The following PAX8 variants were observed in gnomAD, a reference collection of about 807,000 sequenced individuals.
PAX8 encodes paired box protein Pax-8.
Under a neutral mutation model 52.4 loss-of-function variants are expected in PAX8, and 15 were observed. The ratio of observed to expected loss-of-function variants is 0.29; its 90% CI spans 0.19 to 0.44. PAX8 has a LOEUF of 0.44. Among genes scored for constraint, PAX8 ranks in the 20% least tolerant of loss-of-function variants. The probability of loss-of-function intolerance (pLI) is 1.00; values close to 1 mark genes in which losing one functional copy is unlikely to be tolerated. For synonymous variants in PAX8, 284 were observed against 249.7 expected, an observed-to-expected ratio of 1.14 and a Z score of -1.29; for missense variants, 554 against 602.5, an observed-to-expected ratio of 0.92 and a Z score of 0.84.
intron 9 of PAX8, among the ~76,000 whole-genome samples, chr2:113,231,244 G>T (rs547020595): frequency 1.3e-5 from 2 of 152,320 alleles, no homozygotes; most frequent in South Asian, 2.1e-4. Flanking sequence ...TGGACTCTTT[G>T]ATGATAAAAC....
chr2:113,258,399 C>T (rs1692417171), intron 2 of PAX8, among the ~76,000 whole-genome samples: 1 of 152,078 alleles, frequency 6.6e-6, no homozygotes, highest in Non-Finnish European at 1.5e-5. Context: ...CTCCTGATTG[C>T]TGCCTCCCCA....
At chr2:113,267,148 T>C (rs1409129768) in intron 2 of PAX8, 1 of 152,174 alleles carries the variant, frequency 6.6e-6, no homozygotes, top group Non-Finnish European at 1.5e-5. Flanking sequence ...AAGGACAGAA[T>C]GTTAGAGAGA....
intron 2 of PAX8, among the ~76,000 whole-genome samples, chr2:113,264,107 C>T (rs1011690905): frequency 1.3e-5 from 2 of 152,230 alleles, no homozygotes; most frequent in African/African-American, 4.8e-5. Context: ...CTCACAGATG[C>T]TCTCACCCTA....
At chr2:113,251,149 A>G (rs957118144) in intron 2 of PAX8, among the ~76,000 whole-genome samples, 2 of 152,196 alleles carry the variant, frequency 1.3e-5, no homozygotes, top group African/African-American at 4.8e-5. Flanking sequence ...AGTCTCTGCA[A>G]TGGAAAGACC....
intron 8 of PAX8, 200 bp from the exon 9 acceptor site, chr2:113,235,782 G>T: frequency 3.6e-6 from 2 of 563,288 alleles, no homozygotes; most frequent in Non-Finnish European, 3.1e-6. Flanking sequence ...TCCCTGCTGC[G>T]CTTCTGCAGC....
chr2:113,241,194 G>A (rs1236514784), intron 7 of PAX8: 5 of 406,360 alleles, frequency 1.2e-5, no homozygotes, highest in East Asian at 1.1e-4. Flanking sequence ...AGGAAATAGT[G>A]GCTGAGGTCA....
intron 4 of PAX8, among the ~76,000 whole-genome samples, chr2:113,243,035 A>G (rs902815551): frequency 2.6e-5 from 4 of 152,116 alleles, no homozygotes; most frequent in South Asian, 2.1e-4. Flanking sequence ...TCTCTTTCCT[A>G]TCAAACCCAT....
intron 5 of PAX8, 90 bp from the exon 6 acceptor site, chr2:113,242,220 G>A (rs1238275146): frequency 1.8e-6 from 2 of 1,139,988 alleles, no homozygotes; most frequent in Non-Finnish European, 2.6e-6. Context: ...TTGAGCTGGG[G>A]ACTGCAGGGG....
At chr2:113,245,012 T>G (rs1035372088) in intron 3 of PAX8, among the ~76,000 whole-genome samples, 17 of 152,058 alleles carry the variant, frequency 1.1e-4, no homozygotes, top group African/African-American at 3.6e-4. Context: ...CTATCCAGCT[T>G]CTTTTGGCTA....
chr2:113,241,869 TGA>T, intron 6 of PAX8, 137 bp downstream of exon 6: 1 of 1,426,824 alleles, frequency 7.0e-7, no homozygotes, highest in Non-Finnish European at 9.8e-7. Flanking sequence ...CTTGGCCAAC[TGA>T]GGGACAGGAC....
chr2:113,226,264 C>T, intron 10 of PAX8: 3 of 985,462 alleles, frequency 3.0e-6, no homozygotes, highest in Non-Finnish European at 3.6e-6. Flanking sequence ...GAGAGGCTGG[C>T]CTAGGGCTGG....
intron 2 of PAX8, chr2:113,265,891 C>G (rs1558752337): frequency 6.6e-6 from 1 of 152,154 alleles, no homozygotes; most frequent in Non-Finnish European, 1.5e-5. Flanking sequence ...GAGGACACAT[C>G]ATAAAAACTA....
chr2:113,277,747 G>C (rs751246206), intron 2 of PAX8, among the ~76,000 whole-genome samples: 1 of 152,208 alleles, frequency 6.6e-6, no homozygotes, highest in East Asian at 1.9e-4. Context: ...GGGCGCAGGT[G>C]GGGAGGGGGT....
intron 9 of PAX8, among the ~76,000 whole-genome samples, chr2:113,230,015 C>T (rs867523637): frequency 2.0e-4 from 30 of 152,222 alleles, no homozygotes; most frequent in African/African-American, 5.5e-4. Context: ...CTCTGAACCA[C>T]GTCTTCCTGC....
At chr2:113,219,532 T>C (rs1391624560) in intron 11 of PAX8, among the ~76,000 whole-genome samples, 2 of 152,222 alleles carry the variant, frequency 1.3e-5, no homozygotes, top group Non-Finnish European at 2.9e-5. Context: ...ACCTCGACCC[T>C]GAATACTGTC....
At chr2:113,221,977 AC>A (rs1689296419) in intron 10 of PAX8, among the ~76,000 whole-genome samples, 1 of 152,158 alleles carries the variant, frequency 6.6e-6, no homozygotes, top group African/African-American at 2.4e-5. Context: ...AGAAAAAAAA[AC>A]CTAAGAAATA....
Position 113,255,342 on chromosome 2 carries a change from G to C in PAX8, c.26-8423C>G, listed in dbSNP as rs1485797737. On this transcript the variant is annotated intron_variant, in intron 2 of 11. Transcript: ENST00000429538. ...GGAGGGAGGCAGATCTACAAGTCTA[G>C]TGAAGCCCACACCTTCTTTGCCTTA... 2.0e-5 allele frequency: 3 copies of C among 149,392 alleles called. No individual in the cohort carries two copies. In the Admixed American group the frequency reaches 2.0e-4, roughly 10 times the overall value. The allele number at this position is 149,392 out of a possible 1,614,324, so 9.3% of individuals were successfully genotyped here.
At chr2:113,247,185 G>C (rs561587848) in intron 2 of PAX8, among the ~76,000 whole-genome samples, 5 of 152,354 alleles carry the variant, frequency 3.3e-5, no homozygotes, top group African/African-American at 1.2e-4. Context: ...GGCAGACTCA[G>C]CCCTTCACTC....
chr2:113,235,668 G>A, intron 8 of PAX8, 86 bp from the exon 9 acceptor site: 2 of 1,142,360 alleles, frequency 1.8e-6, no homozygotes, highest in Non-Finnish European at 2.5e-6. Flanking sequence ...GGGATGTGGA[G>A]GGTGCGGGCG....
Sources: gnomAD v4.1 joint callset for allele counts (sites outside exome capture counted in the v4.1 genomes callset) on GRCh38, gnomAD v4.1.1 for gene constraint, MANE v1.5 for transcripts, NCBI Gene and HGNC (gene_info 2026-07-23, HGNC 2026-07-21) for gene names.